The following CSMD1 variants were observed in gnomAD, a reference collection of about 807,000 sequenced individuals.
CSMD1 encodes the protein CUB and Sushi multiple domains 1.
CSMD1 carries 213 observed loss-of-function variants against 417.5 expected under a neutral mutation model. The ratio of observed to expected loss-of-function variants is 0.51; its 90% CI spans 0.46 to 0.57. The LOEUF is 0.57. CSMD1 is among the 20% of genes least tolerant of loss of function. CSMD1 has a pLI of 0.00. For missense variants in CSMD1, 6,923 were observed against 4,529.7 expected (o/e 1.53, Z -15.17); for synonymous variants, 2,862 against 1,736.8 (o/e 1.65, Z -16.11).
chr8:3,313,817 A>T (rs1159313736), intron 23 of CSMD1, among the ~76,000 whole-genome samples: 1 of 152,220 alleles, frequency 6.6e-6, no homozygotes, highest in Non-Finnish European at 1.5e-5. Context: ...GGAAACATGC[A>T]CACGTATGTT....
chr8:4,259,817 G>A (rs1045572271), intron 3 of CSMD1, among the ~76,000 whole-genome samples: 1 of 152,002 alleles, frequency 6.6e-6, no homozygotes, highest in East Asian at 1.9e-4. Flanking sequence ...CTATTATTTG[G>A]CACATTACTC....
chr8:4,475,692 C>A (rs536743705), intron 2 of CSMD1, among the ~76,000 whole-genome samples: 102 of 27,638 alleles, frequency 3.7e-3, no homozygotes, highest in African/African-American at 0.013. Context: ...TCTCAGCTCA[C>A]TGCAGCTGCC....
chr8:4,147,307 G>T (rs1317073957), intron 3 of CSMD1, among the ~76,000 whole-genome samples: 1 of 152,088 alleles, frequency 6.6e-6, no homozygotes, highest in Non-Finnish European at 1.5e-5. Flanking sequence ...AGCGGGGAAG[G>T]GGAAGCCTTC....
At chr8:4,587,565 G>T (rs545159816) in intron 2 of CSMD1, among the ~76,000 whole-genome samples, 1 of 151,952 alleles carries the variant, frequency 6.6e-6, no homozygotes, top group Non-Finnish European at 1.5e-5. Context: ...TTTTGATACA[G>T]AACCTTTCCT....
At chr8:3,453,916 A>G (rs143158238) in intron 12 of CSMD1, among the ~76,000 whole-genome samples, 3,000 of 152,230 alleles carry the variant, frequency 0.02, 106 homozygotes, top group African/African-American at 0.069. Context: ...GTAGGGTGTT[A>G]AAGTCTCCCA....
At chr8:4,810,510 CACTT>C (rs1395658641) in intron 1 of CSMD1, among the ~76,000 whole-genome samples, 3 of 151,990 alleles carry the variant, frequency 2.0e-5, no homozygotes, top group African/African-American at 4.8e-5. Flanking sequence ...TTGTCTGTAA[CACTT>C]AGTAAAATAC....
At chr8:4,351,868 A>G (rs1233996134) in intron 3 of CSMD1, among the ~76,000 whole-genome samples, 2 of 152,024 alleles carry the variant, frequency 1.3e-5, no homozygotes, top group Non-Finnish European at 2.9e-5. Context: ...ATTATATACG[A>G]CAGGACTTGT....
intron 9 of CSMD1, among the ~76,000 whole-genome samples, chr8:3,584,146 G>C (rs1375116606): frequency 6.6e-6 from 1 of 151,922 alleles, no homozygotes; most frequent in Non-Finnish European, 1.5e-5. Context: ...AACTTAATAA[G>C]AACTAATAAG....
intron 49 of CSMD1, among the ~76,000 whole-genome samples, chr8:3,068,855 C>T (rs185371839): frequency 2.1e-3 from 323 of 152,214 alleles, no homozygotes; most frequent in African/African-American, 7.3e-3. Flanking sequence ...CAATTCAACA[C>T]GAGATTTGGG....
intron 37 of CSMD1, among the ~76,000 whole-genome samples, chr8:3,176,963 A>C (rs1425724741): frequency 6.6e-6 from 1 of 151,738 alleles, no homozygotes; most frequent in Non-Finnish European, 1.5e-5. Flanking sequence ...GTTTTTATAG[A>C]GATGAGGTTT....
At chr8:3,023,084 C>T (rs933488526) in intron 51 of CSMD1, among the ~76,000 whole-genome samples, 2 of 152,174 alleles carry the variant, frequency 1.3e-5, no homozygotes, top group African/African-American at 4.8e-5. Context: ...AGCAATGGAA[C>T]GAAATGACAA....
intron 47 of CSMD1, among the ~76,000 whole-genome samples, chr8:3,096,321 G>A (rs573291871): frequency 6.4e-4 from 98 of 152,236 alleles, no homozygotes; most frequent in Admixed American, 1.9e-3. Flanking sequence ...CCTATCGTGG[G>A]ACAAATCTGG....
intron 26 of CSMD1, among the ~76,000 whole-genome samples, chr8:3,259,729 T>G (rs17319673): frequency 0.19 from 28,279 of 152,202 alleles, 2,821 homozygotes; most frequent in African/African-American, 0.21. Context: ...ACTCACTGAT[T>G]GATTTTGTGT....
chr8:3,353,998 G>C (rs1382976493), intron 21 of CSMD1, among the ~76,000 whole-genome samples: 3 of 152,204 alleles, frequency 2.0e-5, no homozygotes, highest in Non-Finnish European at 4.4e-5. Context: ...CACAGACAGA[G>C]TGGCCTCAAC....
intron 3 of CSMD1, among the ~76,000 whole-genome samples, chr8:4,251,687 G>A (rs1012411304): frequency 2.0e-5 from 3 of 152,098 alleles, no homozygotes; most frequent in African/African-American, 7.2e-5. Flanking sequence ...GGGGAGCAAA[G>A]ACCTTGGACA....
At chr8:4,422,951 G>GA (rs576327552) in intron 2 of CSMD1, among the ~76,000 whole-genome samples, 4 of 151,792 alleles carry the variant, frequency 2.6e-5, no homozygotes, top group Non-Finnish European at 4.4e-5. Context: ...AATCTATGTA[G>GA]AAAAAAACAT....
At chr8:4,624,882 G>C (rs936553858) in intron 2 of CSMD1, among the ~76,000 whole-genome samples, 3 of 152,056 alleles carry the variant, frequency 2.0e-5, no homozygotes, top group Admixed American at 1.3e-4. Context: ...TCGGGGTGGT[G>C]GGCAGAGAAG....
intron 3 of CSMD1, among the ~76,000 whole-genome samples, chr8:4,220,140 A>G (rs1476403729): frequency 6.6e-6 from 1 of 152,102 alleles, no homozygotes; most frequent in Non-Finnish European, 1.5e-5. Context: ...CAGTAGAGAC[A>G]GGGTTTTGCC....
chr8:4,906,438 A>C (rs1712934858), intron 1 of CSMD1, among the ~76,000 whole-genome samples: 1 of 152,232 alleles, frequency 6.6e-6, no homozygotes, highest in South Asian at 2.1e-4. Context: ...TTAAAGGACC[A>C]AGGACTGTGT....
Sources: gnomAD v4.1 joint callset for allele counts (sites outside exome capture counted in the v4.1 genomes callset) on GRCh38, gnomAD v4.1.1 for gene constraint, MANE v1.5 for transcripts, NCBI Gene and HGNC (gene_info 2026-07-23, HGNC 2026-07-21) for gene names.